Variants in ATG16L2 observed in about 807,000 individuals in gnomAD.
The protein encoded by ATG16L2 is protein Atg16l2.
Under a neutral mutation model 84.7 loss-of-function variants are expected in ATG16L2, and 77 were observed. That is an observed-to-expected ratio of 0.91 (90% CI 0.76 to 1.10). The LOEUF (loss-of-function observed/expected upper bound fraction) is 1.10. ATG16L2 is among the 50% of genes least tolerant of loss of function. The pLI is 0.00. For missense variants in ATG16L2, 782 were observed against 817.6 expected (o/e 0.96, Z 0.53); for synonymous variants, 361 against 342.8 (o/e 1.05, Z -0.59).
intron 3 of ATG16L2, chr11:72,821,386 CG>C: frequency 8.1e-7 from 1 of 1,237,920 alleles, no homozygotes; most frequent in East Asian, 3.9e-5. Flanking sequence ...GGCAGTGGAG[CG>C]GGTTGCTCTT....
chr11:72,840,997 T>C (rs1860911869), intron 5 of ATG16L2: 3 of 1,499,754 alleles, frequency 2.0e-6, no homozygotes, highest in Non-Finnish European at 2.8e-6. Flanking sequence ...TTTACTTGAG[T>C]TGTTGAGCAA....
At chr11:72,829,198 C>T (rs575476192) in intron 17 of ATG16L2, 105 bp from the exon 18 acceptor site, 215 of 1,302,478 alleles carry the variant, frequency 1.7e-4, no homozygotes, top group Admixed American at 4.0e-4. Flanking sequence ...AGGAAACAGG[C>T]TCAAGAGAGG....
downstream of ATG16L2, among the ~76,000 whole-genome samples, chr11:72,830,965 T>C (rs1257086895): frequency 6.6e-6 from 1 of 152,178 alleles, no homozygotes; most frequent in Non-Finnish European, 1.5e-5. Context: ...TCAGACATGC[T>C]TTTCTTTCTT....
intron 3 of ATG16L2, 101 bp from the exon 4 acceptor site, chr11:72,821,567 G>T (rs968595140): frequency 8.1e-6 from 12 of 1,489,796 alleles, no homozygotes; most frequent in Non-Finnish European, 1.1e-5. Flanking sequence ...CAGGAAGGGG[G>T]CGGGCAGGTG....
intron 13 of ATG16L2, 180 bp from the exon 14 acceptor site, chr11:72,827,008 G>T: frequency 1.1e-6 from 1 of 870,952 alleles, no homozygotes. Flanking sequence ...CTGGTTTCTT[G>T]GTGACCTCAG....
rs571896294 is a variant in ATG16L2 at position 72,839,459 on chromosome 11, G to A, written c.*22-3158G>A. On this transcript the variant is annotated intron_variant, in intron 5 of 5. Coordinates refer to the ATG16L2 transcript ENST00000534905. ...GAGTCCAAGTAAGAAGGCAACTTAG[G>A]AGACTTTTGTAATCCTCTGAATGAG... Among the ~76,000 whole-genome samples the A allele has an allele frequency of 3.3e-5, 5 of 152,290 alleles. No individual in the cohort carries two copies. The South Asian group carries it at 1.0e-3, about 32-fold the overall frequency.
In ATG16L2 at chr11:72,827,204, T is replaced by C; in HGVS notation, c.1383T>C (p.Asn461=). 1.9e-6 allele frequency: 3 copies of C among 1,613,910 alleles called. No individual in the cohort carries two copies. Among genetic ancestry groups the C allele is most frequent in the Non-Finnish European group, 2.5e-6 (3 of 1,179,812 alleles). Residue 461 remains asparagine, a synonymous_variant, in exon 14 of 18, where the codon AAT becomes AAC. Coordinates refer to ENST00000321297, the MANE Select transcript of ATG16L2 (RefSeq NM_033388.2). ...GGTCCCCAGGCTCCAGGACCATCAA[T>C]GTCCTTTCCTACTGTAATGACGTGG... ...LGRAYCSRTI[N]VLSYCNDVVC...
downstream of ATG16L2, chr11:72,829,665 A>G: frequency 8.2e-7 from 1 of 1,223,618 alleles, no homozygotes; most frequent in Middle Eastern, 3.3e-4. Context: ...TGCAGCATTC[A>G]TGGTACAGAG....
chr11:72,816,889 C>T (rs1591293080), intron 2 of ATG16L2, 62 bp downstream of exon 2: 1 of 1,383,656 alleles, frequency 7.2e-7, no homozygotes, highest in Non-Finnish European at 1.0e-6. Context: ...GCCCCTGCTG[C>T]CTGTGCTGGG....
At chr11:72,816,937 C>A in intron 2 of ATG16L2, 110 bp downstream of exon 2, 1 of 462,750 alleles carries the variant, frequency 2.2e-6, no homozygotes, top group Non-Finnish European at 3.9e-6. Context: ...CCCTTGGCTG[C>A]TGCCCAGGGG....
At chr11:72,828,847 A>T in intron 16 of ATG16L2, 36 bp from the exon 17 acceptor site, 1 of 1,613,266 alleles carries the variant, frequency 6.2e-7, no homozygotes, top group East Asian at 2.2e-5. Context: ...CTCCCCTCTG[A>T]CCCCCCGTTT....
At chr11:72,828,227 AC>A (rs1458322139) in intron 14 of ATG16L2, 131 bp from the exon 15 acceptor site, 10 of 971,868 alleles carry the variant, frequency 1.0e-5, no homozygotes, top group South Asian at 9.5e-5. Flanking sequence ...CGCAGCCTTT[AC>A]CCCAGCGATC....
At chr11:72,826,291 C>G (rs1310790746) in intron 11 of ATG16L2, 48 bp downstream of exon 11, 2 of 1,589,606 alleles carry the variant, frequency 1.3e-6, no homozygotes. Flanking sequence ...TCTCTGATCT[C>G]CACACTGGGC....
At chr11:72,842,864 A>G in exon 6 of ATG16L2, 1 of 1,587,486 alleles carries the variant, frequency 6.3e-7, no homozygotes, top group Non-Finnish European at 8.6e-7. Context: ...AGAAAAACAA[A>G]TCTGGTAAGA....
chr11:72,818,155 G>A (rs534284309), intron 3 of ATG16L2: 9 of 363,338 alleles, frequency 2.5e-5, no homozygotes, highest in Non-Finnish European at 4.1e-5. Context: ...CTCACCCCTC[G>A]CCCAGCCATC....
chr11:72,841,536 C>A, intron 5 of ATG16L2: 1 of 1,611,278 alleles, frequency 6.2e-7, no homozygotes. Context: ...GCTGGTCGTA[C>A]AACGGCAGTG....
chr11:72,843,257 G>A (rs1289520396), exon 6 of ATG16L2: 1 of 1,614,018 alleles, frequency 6.2e-7, no homozygotes, highest in Non-Finnish European at 8.5e-7. Flanking sequence ...GCATGCTCAG[G>A]AGGCTGTTCG....
chr11:72,816,941 C>T, intron 2 of ATG16L2, 114 bp downstream of exon 2: 1 of 731,624 alleles, frequency 1.4e-6, no homozygotes, highest in Admixed American at 2.7e-5. Flanking sequence ...TGGCTGCTGC[C>T]CAGGGGTGGT....
intron 4 of ATG16L2, 110 bp from the exon 5 acceptor site, chr11:72,821,934 C>G (rs1451288889): frequency 1.4e-6 from 2 of 1,424,280 alleles, no homozygotes; most frequent in Non-Finnish European, 1.8e-6. Flanking sequence ...CTTAGCCACC[C>G]GGCTAGCCGC....
Sources: allele counts gnomAD v4.1 joint callset (sites outside exome capture counted in the v4.1 genomes callset), GRCh38; gene constraint gnomAD v4.1.1; transcripts MANE v1.5; gene names NCBI Gene and HGNC (gene_info 2026-07-23, HGNC 2026-07-21).